The following CHRM3 variants were observed in gnomAD, a reference collection of about 807,000 sequenced individuals.
CHRM3 encodes the protein muscarinic acetylcholine receptor M3.
A neutral mutation model predicts 41.8 loss-of-function variants in CHRM3; 11 were observed. The ratio of observed to expected loss-of-function variants is 0.26; its 90% CI spans 0.17 to 0.44. The LOEUF is 0.44. Among genes scored for constraint, CHRM3 ranks in the 20% least tolerant of loss-of-function variants. The probability of loss-of-function intolerance (pLI) is 1.00; values close to 1 mark genes in which losing one functional copy is unlikely to be tolerated. For missense variants in CHRM3, 571 were observed against 745.4 expected (o/e 0.77, Z 2.72); for synonymous variants, 297 against 301.4 (o/e 0.99, Z 0.15).
intron 3 of CHRM3, among the ~76,000 whole-genome samples, chr1:239,618,637 GATC>G (rs1553341585): frequency 1.7e-4 from 26 of 151,542 alleles, no homozygotes; most frequent in Non-Finnish European, 2.9e-5. Flanking sequence ...GAGGTCAGGA[GATC>G]GAGACCATCC....
intron 5 of CHRM3, among the ~76,000 whole-genome samples, chr1:239,745,417 G>A (rs1373011141): frequency 4.6e-5 from 7 of 151,792 alleles, no homozygotes; most frequent in Non-Finnish European, 8.8e-5. Context: ...GCTATGGAAA[G>A]GTTGTATGCA....
At chr1:239,519,308 A>G (rs528368530) in intron 2 of CHRM3, among the ~76,000 whole-genome samples, 2 of 152,312 alleles carry the variant, frequency 1.3e-5, no homozygotes, top group Admixed American at 1.3e-4. Flanking sequence ...AAACTAAACT[A>G]AAATTCTAAA....
At chr1:239,676,344 C>T (rs943575400) in intron 4 of CHRM3, among the ~76,000 whole-genome samples, 5 of 144,854 alleles carry the variant, frequency 3.5e-5, no homozygotes, top group African/African-American at 1.3e-4. Context: ...CCTGCCATGC[C>T]TGCCATGTGT....
intron 5 of CHRM3, among the ~76,000 whole-genome samples, chr1:239,825,383 TTC>T (rs1471857471): frequency 6.6e-6 from 1 of 152,168 alleles, no homozygotes; most frequent in East Asian, 1.9e-4. Flanking sequence ...CCTTCAAATC[TTC>T]TCTCTTGCTA....
At position 239,734,866 on chromosome 1, in the gene CHRM3, G is replaced by A. The variant is rs556891085; in HGVS notation, c.-147+56578G>A. ...TGAAATAAGATTGCCATATGTTGAC[G>A]ATTATTGAAACTGGGTGATGGAATT... On this transcript the variant is annotated intron_variant, in intron 5 of 6. Transcript: ENST00000676153. Among the ~76,000 whole-genome samples, 34 of 152,178 alleles carry A rather than the reference G, an allele frequency of 2.2e-4. No homozygotes were observed. In the South Asian group the frequency reaches 6.8e-3, roughly 31 times the overall value.
At chr1:239,426,989 G>A (rs1432139386) in intron 1 of CHRM3, among the ~76,000 whole-genome samples, 2 of 151,998 alleles carry the variant, frequency 1.3e-5, no homozygotes, top group East Asian at 1.9e-4. Context: ...GAAGGGAGGG[G>A]TGGGTGGAGC....
At chr1:239,554,432 G>C (rs1011183131) in intron 3 of CHRM3, among the ~76,000 whole-genome samples, 1 of 151,908 alleles carries the variant, frequency 6.6e-6, no homozygotes, top group African/African-American at 2.4e-5. Flanking sequence ...GTAGGGGCAG[G>C]ATGTGTGGAA....
In CHRM3 at chr1:239,503,062, C is replaced by A. The variant is rs1412828127; in HGVS notation, c.-422+10255C>A. On this transcript the variant is annotated intron_variant, in intron 2 of 6. Transcript: ENST00000676153. ...ATAGTACTGAAAGTCCTAGCCAGAG[C>A]AATCAGACACAAGAAAGAAATAAAG... 1.3e-5 allele frequency among the ~76,000 whole-genome samples: 2 copies of A among 152,068 alleles called. 1 individual carries two copies. The highest frequency in any genetic ancestry group is 2.9e-5 in the Non-Finnish European group (2 of 68,016).
At chr1:239,689,991 C>T (rs767299746) in intron 5 of CHRM3, among the ~76,000 whole-genome samples, 8 of 151,850 alleles carry the variant, frequency 5.3e-5, no homozygotes, top group East Asian at 1.9e-4. Context: ...TCCCAGAACA[C>T]GCTTAAAGGA....
intron 5 of CHRM3, among the ~76,000 whole-genome samples, chr1:239,749,680 G>A (rs917541187): frequency 6.6e-6 from 1 of 152,056 alleles, no homozygotes; most frequent in Non-Finnish European, 1.5e-5. Context: ...AAAAAATGAA[G>A]TGTGAAGGGT....
chr1:239,471,265 G>A (rs1197678009), intron 1 of CHRM3, among the ~76,000 whole-genome samples: 4 of 151,990 alleles, frequency 2.6e-5, no homozygotes, highest in African/African-American at 9.7e-5. Flanking sequence ...AAAAAGTGGT[G>A]CCTGGAACTT....
At chr1:239,813,315 C>A (rs1341287209) in intron 5 of CHRM3, among the ~76,000 whole-genome samples, 1 of 152,026 alleles carries the variant, frequency 6.6e-6, no homozygotes, top group East Asian at 1.9e-4. Flanking sequence ...AAGGTACTTA[C>A]TGTATTCTCT....
intron 1 of CHRM3, among the ~76,000 whole-genome samples, chr1:239,450,663 G>A (rs765361335): frequency 3.3e-5 from 5 of 152,112 alleles, no homozygotes; most frequent in Non-Finnish European, 7.4e-5. Flanking sequence ...TCCTGGGTAC[G>A]TACATTTTTT....
At chr1:239,683,538 TC>T (rs1169663432) in intron 5 of CHRM3, among the ~76,000 whole-genome samples, 1 of 152,192 alleles carries the variant, frequency 6.6e-6, no homozygotes, top group East Asian at 1.9e-4. Flanking sequence ...ATCTTTAAAG[TC>T]TTTTTTACTT....
intron 1 of CHRM3, among the ~76,000 whole-genome samples, chr1:239,392,540 C>T (rs1225952401): frequency 3.3e-5 from 5 of 152,104 alleles, no homozygotes; most frequent in African/African-American, 4.8e-5. Context: ...GCAGGATATC[C>T]GCCGACTACT....
intron 5 of CHRM3, among the ~76,000 whole-genome samples, chr1:239,721,643 G>A (rs1289744320): frequency 1.3e-5 from 2 of 151,876 alleles, no homozygotes; most frequent in Non-Finnish European, 2.9e-5. Flanking sequence ...TTTACATATT[G>A]TCAGTACAAA....
At chr1:239,597,434 A>G (rs1420313996) in intron 3 of CHRM3, among the ~76,000 whole-genome samples, 3 of 152,160 alleles carry the variant, frequency 2.0e-5, no homozygotes, top group Non-Finnish European at 4.4e-5. Flanking sequence ...TGTCCAAGTT[A>G]TTAAGCCATA....
intron 5 of CHRM3, among the ~76,000 whole-genome samples, chr1:239,782,481 A>G (rs1668580395): frequency 6.6e-6 from 1 of 151,998 alleles, no homozygotes; most frequent in African/African-American, 2.4e-5. Flanking sequence ...TGATTTAGTA[A>G]TTTGAATTCT....
chr1:239,403,428 T>G (rs1225676914), intron 1 of CHRM3, among the ~76,000 whole-genome samples: 3 of 152,200 alleles, frequency 2.0e-5, no homozygotes, highest in Non-Finnish European at 4.4e-5. Flanking sequence ...GATGACAAAA[T>G]AGTTTATCCA....
Sources: allele counts gnomAD v4.1 joint callset (sites outside exome capture counted in the v4.1 genomes callset), GRCh38; gene constraint gnomAD v4.1.1; transcripts MANE v1.5; gene names NCBI Gene and HGNC (gene_info 2026-07-23, HGNC 2026-07-21).